Variants in GSTA3 observed in about 807,000 individuals in gnomAD.
The protein encoded by GSTA3 is glutathione S-transferase A3.
In GSTA3, 16 loss-of-function variants were observed where a neutral mutation model predicts 23.1. The ratio of observed to expected loss-of-function variants is 0.69; its 90% CI spans 0.47 to 1.05. The LOEUF is 1.05. Ranked by LOEUF, GSTA3 falls within the 50% of genes least tolerant of loss-of-function variation. The probability of loss-of-function intolerance (pLI) is 0.00; values close to 1 mark genes in which losing one functional copy is unlikely to be tolerated. For synonymous variants in GSTA3, 122 were observed against 91.0 expected, an observed-to-expected ratio of 1.34 and a Z score of -1.94; for missense variants, 319 against 263.6, an observed-to-expected ratio of 1.21 and a Z score of -1.46.
At chr6:52,902,955 C>T (rs1765743815) in intron 3 of GSTA3, among the ~76,000 whole-genome samples, 1 of 152,120 alleles carries the variant, frequency 6.6e-6, no homozygotes, top group African/African-American at 2.4e-5. Flanking sequence ...TCACATGACC[C>T]ATGAAAGAAA....
chr6:52,896,669 A>C lies in GSTA3; in HGVS notation c.*137T>G. On this transcript the variant is annotated 3_prime_UTR_variant, in exon 7 of 7. Coordinates refer to ENST00000211122, the MANE Select transcript of GSTA3 (RefSeq NM_000847.5). Reference sequence around the variant, plus strand: ...ACTAAGTTAGCAAATAGGAGTTTTTATTATTTAATTAGCATATAATTGGAA... The same window carrying C: ...ACTAAGTTAGCAAATAGGAGTTTTTCTTATTTAATTAGCATATAATTGGAA... 1.0e-6 allele frequency: 1 copy of C among 970,016 alleles called. No individual in the cohort carries two copies. Among genetic ancestry groups the C allele is most frequent in the Non-Finnish European group, 1.5e-6 (1 of 672,892 alleles). The allele number at this position is 970,016 out of a possible 1,614,324, so 60.1% of individuals were successfully genotyped here. A position where few individuals can be genotyped will look rare whatever the true frequency, so the allele number is the denominator to read the frequency against.
At chr6:52,903,927 T>C (rs771400577) in intron 2 of GSTA3, among the ~76,000 whole-genome samples, 200 bp from the exon 3 acceptor site, 3 of 152,168 alleles carry the variant, frequency 2.0e-5, no homozygotes, top group Non-Finnish European at 4.4e-5. Flanking sequence ...GGTCAGACCA[T>C]GCTCATGCTC....
At chr6:52,907,886 G>C (rs1444544343) in intron 1 of GSTA3, among the ~76,000 whole-genome samples, 1 of 150,960 alleles carries the variant, frequency 6.6e-6, no homozygotes, top group Non-Finnish European at 1.5e-5. Context: ...ATGATGAGTT[G>C]GTGGGTGCAG....
intron 1 of GSTA3, 119 bp downstream of exon 1, chr6:52,909,522 A>G (rs1226977486): frequency 2.0e-5 from 3 of 152,222 alleles, no homozygotes; most frequent in Non-Finnish European, 4.4e-5. Context: ...TTGTCTCCTA[A>G]GCACACAGAA....
Position 52,901,720 on chromosome 6 carries a change from G to A in GSTA3, c.272+626C>T, listed in dbSNP as rs563948904. 1.1e-3 allele frequency among the ~76,000 whole-genome samples: 166 copies of A among 152,322 alleles called. 1 individual carries two copies. The highest frequency in any genetic ancestry group is 2.0e-3 in the Non-Finnish European group (133 of 68,034). The stretch of plus-strand genomic sequence containing the variant: ...AACTGCCAACAGTTTCACATAGGAT[G>A]TTATTTAGAATCAGGCAGCCCTATT... On this transcript the variant is annotated intron_variant, in intron 4 of 6. Transcript: ENST00000211122.
At position 52,900,030 on chromosome 6, in the gene GSTA3, G is replaced by T. The variant is rs769895834; in HGVS notation, c.318C>A (p.Ile106=). The T allele has an allele frequency of 7.4e-6, 12 of 1,612,484 alleles. No individual in the cohort carries two copies. The highest frequency in any genetic ancestry group is 1.7e-4 in the Middle Eastern group (1 of 6,060). ...TEGMADLNEM[I]LLLPLCRPEE... ...CAGGTCGACATAAGGGCAGAAGAAG[G>T]ATCATTTCATTCAAATCTGCCATAC... is the stretch of plus-strand genomic sequence containing the variant. Residue 106 remains isoleucine, a synonymous_variant, in exon 5 of 7, where the codon ATC becomes ATA. Transcript: ENST00000211122.
In GSTA3 at chr6:52,896,908, G is replaced by A. The variant is rs769307287; in HGVS notation, c.567C>T (p.Ser189=). ...PLLKALKTRI[S]NLPTVKKFLQ... is the part of the protein sequence containing the mutation. ...GAAACTTCTTCACCGTGGGCAGGTT[G>A]CTGATTCTGGTTTTCAGGGCCTGTA... is the stretch of plus-strand genomic sequence containing the variant. Residue 189 remains serine, a synonymous_variant, in exon 7 of 7, where the codon AGC becomes AGT. Transcript: ENST00000211122. The A allele has an allele frequency of 4.3e-6, 7 of 1,613,990 alleles. No homozygotes were observed. The highest frequency in any genetic ancestry group is 5.9e-6 in the Non-Finnish European group (7 of 1,179,904).
intron 3 of GSTA3, among the ~76,000 whole-genome samples, chr6:52,903,047 G>T (rs1366900590): frequency 6.6e-6 from 1 of 152,168 alleles, no homozygotes; most frequent in East Asian, 1.9e-4. Context: ...GGGGAAGGCT[G>T]TGTGGGATCC....
At chr6:52,905,631 C>A (rs1765865207) in intron 2 of GSTA3, 117 bp downstream of exon 2, 1 of 553,180 alleles carries the variant, frequency 1.8e-6, no homozygotes, top group Non-Finnish European at 3.2e-6. Context: ...ACTGGGGATG[C>A]TTTTATTTGA....
intron 1 of GSTA3, among the ~76,000 whole-genome samples, chr6:52,909,220 G>A (rs1334709583): frequency 6.6e-6 from 1 of 152,050 alleles, no homozygotes; most frequent in Admixed American, 6.6e-5. Flanking sequence ...TTGATCAAGT[G>A]GTGCTCCCAA....
intron 4 of GSTA3, among the ~76,000 whole-genome samples, chr6:52,901,950 T>C (rs1328935236): frequency 1.3e-5 from 2 of 152,158 alleles, no homozygotes; most frequent in East Asian, 3.9e-4. Context: ...ATTCAGCTTC[T>C]TTGCAGTCTT....
Position 52,908,188 on chromosome 6 carries a change from G to A in GSTA3, c.-22+1453C>T, listed in dbSNP as rs565280057. ...TTTTTTTTTTTGCCATTTGCCTATA[G>A]CGCTCACTGTTTTAGACTACAGTAG... On this transcript the variant is annotated intron_variant, in intron 1 of 6. Coordinates refer to ENST00000211122, the MANE Select transcript of GSTA3 (RefSeq NM_000847.5). Among the ~76,000 whole-genome samples, 179 of 146,352 alleles carry A rather than the reference G, an allele frequency of 1.2e-3. 1 individual carries two copies. Among genetic ancestry groups the A allele is most frequent in the African/African-American group, 4.4e-3 (175 of 39,672 alleles).
chr6:52,897,816 A>T lies in GSTA3; in HGVS notation c.546+9T>A. ...GGGCTGTCTCTCTGAGGGCTGTGAA[A>T]TGGGTCACCTTCAGCAGAGGGAAGT... On this transcript the variant is annotated intron_variant, in intron 6 of 6. Coordinates refer to ENST00000211122, the MANE Select transcript of GSTA3 (RefSeq NM_000847.5). The T allele has an allele frequency of 9.3e-6, 15 of 1,613,142 alleles. No homozygotes were observed. Among genetic ancestry groups the T allele is most frequent in the Non-Finnish European group, 1.3e-5 (15 of 1,179,624 alleles).
chr6:52,902,565 G>A (rs774344905), intron 3 of GSTA3, 87 bp from the exon 4 acceptor site: 14 of 1,327,864 alleles, frequency 1.1e-5, no homozygotes, highest in Non-Finnish European at 1.5e-5. Flanking sequence ...AATGACTGAG[G>A]TTATAAAATG....
chr6:52,897,726 A>G (rs2127352621), intron 6 of GSTA3, 99 bp downstream of exon 6: 2 of 1,395,084 alleles, frequency 1.4e-6, no homozygotes, highest in East Asian at 4.6e-5. Flanking sequence ...AGGCCTGAAA[A>G]AGGCTGGGGT....
rs901951546 is a variant in GSTA3, at chr6:52,905,667, G to A, written c.87+81C>T. ...GGCCAAAATATTCACAGGTCATCTAGTATGGAAGTCTCTTGGCTTACTAAA... is the reference window on the plus strand; with the variant it reads ...GGCCAAAATATTCACAGGTCATCTAATATGGAAGTCTCTTGGCTTACTAAA... On this transcript the variant is annotated intron_variant, in intron 2 of 6. Coordinates refer to ENST00000211122, the MANE Select transcript of GSTA3 (RefSeq NM_000847.5). 1.5e-5 allele frequency: 12 copies of A among 791,268 alleles called. No homozygotes were observed. The South Asian group carries it at 1.8e-4, about 12-fold the overall frequency. 49.0% of individuals were successfully genotyped at this position (791,268 alleles called of 1,614,324 possible).
chr6:52,896,817 A>G lies in GSTA3; in HGVS notation c.658T>C (p.Phe220Leu). 1 of 1,614,018 alleles carries G rather than the reference A, an allele frequency of 6.2e-7. No individual in the cohort carries two copies. The highest frequency in any genetic ancestry group is 8.5e-7 in the Non-Finnish European group (1 of 1,179,930). ...CCATGGCTGCTTTATTAAAACCTGAAAATCTTTCTGGCTTCTTCTAAAGCT... is the reference window on the plus strand; with the variant it reads ...CCATGGCTGCTTTATTAAAACCTGAGAATCTTTCTGGCTTCTTCTAAAGCT... The part of the protein sequence containing the change: ...AKALEEARKI[F>L]RF Residue 220 changes from phenylalanine (F) to leucine (L), a missense_variant, in exon 7 of 7, where the codon TTC becomes CTC. Physicochemically the swap from Phe to Leu is conservative, Grantham distance 22. Coordinates refer to ENST00000211122, the MANE Select transcript of GSTA3 (RefSeq NM_000847.5).
chr6:52,896,830 T>G lies in GSTA3; in HGVS notation c.645A>C (p.Glu215Asp), dbSNP rs760173301. 6.2e-7 allele frequency: 1 copy of G among 1,614,110 alleles called. No individual in the cohort carries two copies. Among genetic ancestry groups the G allele is most frequent in the Non-Finnish European group, 8.5e-7 (1 of 1,179,958 alleles). ...ATTAAAACCTGAAAATCTTTCTGGCTTCTTCTAAAGCTTTTGCATCTGCGG... is the reference window on the plus strand; with the variant it reads ...ATTAAAACCTGAAAATCTTTCTGGCGTCTTCTAAAGCTTTTGCATCTGCGG... Reference protein sequence around the residue: ...KPPADAKALEEARKIFRF With the variant: ...KPPADAKALEDARKIFRF Residue 215 changes from glutamate to aspartate, a missense_variant, in exon 7 of 7, where the codon GAA becomes GAC. Transcript: ENST00000211122.
intron 4 of GSTA3, among the ~76,000 whole-genome samples, chr6:52,901,334 A>G (rs1017741749): frequency 6.6e-6 from 1 of 152,212 alleles, no homozygotes; most frequent in Non-Finnish European, 1.5e-5. Context: ...TGCTGCCTCT[A>G]TGGGTTTGAA....
Sources: gnomAD v4.1 joint callset for allele counts (sites outside exome capture counted in the v4.1 genomes callset) on GRCh38, gnomAD v4.1.1 for gene constraint, MANE v1.5 for transcripts, NCBI Gene and HGNC (gene_info 2026-07-23, HGNC 2026-07-21) for gene names.